DYM: variants seen among roughly 807,000 people sequenced by gnomAD.
DYM encodes the protein dyggve-Melchior-Clausen syndrome protein.
A neutral mutation model predicts 93.1 loss-of-function variants in DYM; 78 were observed. The observed-to-expected ratio is 0.84, with a 90% CI of 0.70 to 1.01. DYM has a LOEUF of 1.01. DYM is among the 50% of genes least tolerant of loss of function. The pLI is 0.00. For missense variants in DYM, 789 were observed against 845.0 expected (o/e 0.93, Z 0.82); for synonymous variants, 321 against 319.7 (o/e 1.00, Z -0.04).
intron 1 of DYM, among the ~76,000 whole-genome samples, chr18:49,457,303 C>T (rs1406530920): frequency 2.0e-5 from 3 of 152,154 alleles, no homozygotes; most frequent in Admixed American, 1.3e-4. Context: ...TCATTGCCCC[C>T]AGCGTGTCCT....
chr18:49,350,340 A>G (rs1033569354), intron 6 of DYM, among the ~76,000 whole-genome samples: 1 of 152,208 alleles, frequency 6.6e-6, no homozygotes, highest in Non-Finnish European at 1.5e-5. Context: ...ATAGCTACTG[A>G]TTGGGAAAAA....
intron 8 of DYM, among the ~76,000 whole-genome samples, chr18:49,287,203 A>ATAC (rs2059722289): frequency 6.6e-6 from 1 of 151,996 alleles, no homozygotes; most frequent in Non-Finnish European, 1.5e-5. Context: ...AATAATAATA[A>ATAC]TAAATGCATT....
chr18:49,287,368 T>C (rs949150667), intron 8 of DYM, among the ~76,000 whole-genome samples: 4 of 150,580 alleles, frequency 2.7e-5, no homozygotes, highest in Non-Finnish European at 5.9e-5. Context: ...TTAAAATTAG[T>C]TTCTGATTTA....
At chr18:49,250,973 G>A (rs1037476639) in intron 13 of DYM, among the ~76,000 whole-genome samples, 2 of 152,202 alleles carry the variant, frequency 1.3e-5, no homozygotes, top group African/African-American at 4.8e-5. Flanking sequence ...GTTGGGTAAT[G>A]CTTTCTTGTG....
intron 16 of DYM, among the ~76,000 whole-genome samples, chr18:49,098,698 C>G (rs833503): frequency 0.81 from 123,764 of 152,194 alleles, 50,492 homozygotes; most frequent in East Asian, 0.91. Flanking sequence ...GGGCTTTTCG[C>G]TACGTGCCTG....
At chr18:49,102,410 G>C (rs1264018372) in intron 16 of DYM, among the ~76,000 whole-genome samples, 2 of 151,916 alleles carry the variant, frequency 1.3e-5, no homozygotes, top group African/African-American at 2.4e-5. Context: ...AGATTTTCCA[G>C]ATATCTTATT....
At chr18:49,253,627 C>T (rs1048701730) in intron 13 of DYM, among the ~76,000 whole-genome samples, 1 of 152,186 alleles carries the variant, frequency 6.6e-6, no homozygotes, top group African/African-American at 2.4e-5. Context: ...CTGCATGACA[C>T]GATGCTCTGG....
intron 13 of DYM, among the ~76,000 whole-genome samples, chr18:49,256,436 A>G (rs1428879578): frequency 6.6e-6 from 1 of 152,220 alleles, no homozygotes; most frequent in Admixed American, 6.5e-5. Flanking sequence ...GCAGCCTCCA[A>G]CACCTAGAAG....
chr18:49,452,358 G>A (rs186200692), intron 1 of DYM, among the ~76,000 whole-genome samples: 39 of 152,244 alleles, frequency 2.6e-4, no homozygotes, highest in Non-Finnish European at 3.4e-4. Flanking sequence ...GGACCTGAGC[G>A]GGTTGCCATT....
At chr18:49,333,586 T>C (rs2063462884) in intron 7 of DYM, 142 bp downstream of exon 7, 9 of 879,200 alleles carry the variant, frequency 1.0e-5, no homozygotes, top group Non-Finnish European at 1.6e-5. Flanking sequence ...CGGTTCCCTA[T>C]GCACTGGGTT....
chr18:49,067,960 T>G (rs1432724858), intron 17 of DYM, among the ~76,000 whole-genome samples: 2 of 152,046 alleles, frequency 1.3e-5, no homozygotes, highest in Non-Finnish European at 2.9e-5. Flanking sequence ...GCAAAGGCGT[T>G]TCATTAGTCA....
rs558278013 is a variant in DYM at position 49,367,520 on chromosome 18, C to A, written c.422-4287G>T. On this transcript the variant is annotated intron_variant, in intron 5 of 17. Coordinates refer to ENST00000675505, the MANE Select transcript of DYM (RefSeq NM_001353214.3). Reference sequence around the variant, plus strand: ...GAGAGAAGCAGAGAACAGTACAATACTGTCCTAATCAAATGCCTTCCAACA... The same window carrying A: ...GAGAGAAGCAGAGAACAGTACAATAATGTCCTAATCAAATGCCTTCCAACA... Among the ~76,000 whole-genome samples the A allele has an allele frequency of 4.8e-4, 73 of 152,298 alleles. 4 individuals carry two copies. In the South Asian group the frequency reaches 0.015, roughly 30 times the overall value.
At chr18:49,301,515 C>T (rs1247776433) in intron 8 of DYM, among the ~76,000 whole-genome samples, 4 of 138,734 alleles carry the variant, frequency 2.9e-5, no homozygotes, top group Admixed American at 7.4e-5. Flanking sequence ...AGTGAGACTC[C>T]GTCTCAGAAA....
intron 17 of DYM, among the ~76,000 whole-genome samples, chr18:49,068,907 T>C (rs1231555178): frequency 6.6e-6 from 1 of 152,240 alleles, no homozygotes; most frequent in Non-Finnish European, 1.5e-5. Context: ...ATGGAATTGA[T>C]GTTTTTTCAT....
rs759926355 is a variant in DYM, at chr18:49,118,846, G to A, written c.1809C>T (p.His603=). ...GGGCGTATACCAAGTTTGGGTTGTGGTGAAGGGAATTTGTCAGGCAGGAGT... is the reference window on the plus strand; with the variant it reads ...GGGCGTATACCAAGTTTGGGTTGTGATGAAGGGAATTTGTCAGGCAGGAGT... ...IINSCLTNSL[H]HNPNLVYALL... The change falls in exon 16 of 18, where the codon CAC becomes CAT. Residue 603 remains histidine, a synonymous_variant. Coordinates refer to ENST00000675505, the MANE Select transcript of DYM (RefSeq NM_001353214.3). 63 of 1,613,968 alleles carry A rather than the reference G, an allele frequency of 3.9e-5. No individual in the cohort carries two copies. The highest frequency in any genetic ancestry group is 5.2e-5 in the Non-Finnish European group (61 of 1,179,992).
intron 9 of DYM, among the ~76,000 whole-genome samples, chr18:49,283,183 T>C (rs2095033671): frequency 6.6e-6 from 1 of 152,168 alleles, no homozygotes; most frequent in Non-Finnish European, 1.5e-5. Flanking sequence ...GTGTTGAATA[T>C]CTCATGTAAT....
chr18:49,056,979 G>A lies in DYM; in HGVS notation c.2026-12775C>T, dbSNP rs542312508. ...CAAAGTGCTGGGACTACAGGTATGAGCCATGGCCTGGGCCAATTCCTGCTT... is the reference window on the plus strand; with the variant it reads ...CAAAGTGCTGGGACTACAGGTATGAACCATGGCCTGGGCCAATTCCTGCTT... On this transcript the variant is annotated intron_variant, in intron 17 of 17. Transcript: ENST00000675505. Among the ~76,000 whole-genome samples, 3 of 152,346 alleles carry A rather than the reference G, an allele frequency of 2.0e-5. No individual in the cohort carries two copies. The East Asian group carries it at 5.8e-4, about 29-fold the overall frequency.
At chr18:49,160,177 G>A (rs975204234) in intron 15 of DYM, among the ~76,000 whole-genome samples, 11 of 152,114 alleles carry the variant, frequency 7.2e-5, no homozygotes, top group Non-Finnish European at 1.2e-4. Flanking sequence ...TACTGCCCCT[G>A]TAGTGGCATT....
intron 8 of DYM, among the ~76,000 whole-genome samples, chr18:49,294,790 A>C (rs764227582): frequency 2.0e-5 from 3 of 151,180 alleles, no homozygotes; most frequent in Non-Finnish European, 3.0e-5. Flanking sequence ...GAACTATACC[A>C]AAAAAAAAGA....
Sources: allele counts gnomAD v4.1 joint callset (sites outside exome capture counted in the v4.1 genomes callset), GRCh38; gene constraint gnomAD v4.1.1; transcripts MANE v1.5; gene names NCBI Gene and HGNC (gene_info 2026-07-23, HGNC 2026-07-21).